BBS9: variants seen among roughly 807,000 people sequenced by gnomAD.
BBS9 encodes the protein Bardet-Biedl syndrome 9.
Under a neutral mutation model 117.7 loss-of-function variants are expected in BBS9, and 89 were observed. The ratio of observed to expected loss-of-function variants is 0.76; its 90% CI spans 0.64 to 0.90. BBS9 has a LOEUF of 0.90. Among genes scored for constraint, BBS9 ranks in the 40% least tolerant of loss-of-function variants. The probability of loss-of-function intolerance (pLI) is 0.00; values close to 1 mark genes in which losing one functional copy is unlikely to be tolerated. For synonymous variants in BBS9, 379 were observed against 370.9 expected (o/e 1.02, Z -0.25); for missense variants, 982 against 1,042.2 (o/e 0.94, Z 0.80).
intron 18 of BBS9, among the ~76,000 whole-genome samples, chr7:33,386,653 G>A (rs946882285): frequency 1.3e-5 from 2 of 151,786 alleles, no homozygotes; most frequent in African/African-American, 4.8e-5. Context: ...ACCACGCCCA[G>A]CTAATTTTTT....
At chr7:33,487,747 G>A (rs1055631240) in intron 19 of BBS9, among the ~76,000 whole-genome samples, 3 of 152,110 alleles carry the variant, frequency 2.0e-5, no homozygotes, top group Non-Finnish European at 4.4e-5. Context: ...ATGTGTCTGG[G>A]TGACTGCCCT....
At chr7:33,611,942 C>G (rs1864901035) in intron 21 of BBS9, among the ~76,000 whole-genome samples, 1 of 150,312 alleles carries the variant, frequency 6.7e-6, no homozygotes, top group South Asian at 2.1e-4. Flanking sequence ...AACATCACCT[C>G]CTCTGATGCC....
intron 9 of BBS9, among the ~76,000 whole-genome samples, chr7:33,294,713 A>G (rs1804905454): frequency 6.6e-6 from 1 of 152,234 alleles, no homozygotes; most frequent in South Asian, 2.1e-4. Context: ...AACATGATAC[A>G]CATTAAAAGT....
In BBS9 at chr7:33,632,692, C is replaced by T. The variant is rs562041551; in HGVS notation, c.2522-2485C>T. Among the ~76,000 whole-genome samples, 11 of 152,290 alleles carry T rather than the reference C, an allele frequency of 7.2e-5. No individual in the cohort carries two copies. The East Asian group carries it at 2.1e-3, about 29-fold the overall frequency. ...CCAGCACCTCCCGTCCCACCCCTCC[C>T]GCCAGTCTCCGCAGTAAAGGAAGAC... On this transcript the variant is annotated intron_variant, in intron 21 of 21. Coordinates refer to the BBS9 transcript ENST00000671952.
chr7:33,189,459 A>G (rs917576358), intron 5 of BBS9, among the ~76,000 whole-genome samples: 2 of 152,146 alleles, frequency 1.3e-5, no homozygotes, highest in Non-Finnish European at 2.9e-5. Context: ...GTTTATGGGG[A>G]AAAAGCCTAT....
chr7:33,174,731 G>C (rs1282493947), intron 4 of BBS9, among the ~76,000 whole-genome samples: 1 of 152,216 alleles, frequency 6.6e-6, no homozygotes, highest in East Asian at 1.9e-4. Context: ...GGCTAAACTT[G>C]ATTTAACAGT....
At chr7:33,503,030 A>C (rs1254653367) in intron 19 of BBS9, among the ~76,000 whole-genome samples, 1 of 152,172 alleles carries the variant, frequency 6.6e-6, no homozygotes, top group African/African-American at 2.4e-5. Flanking sequence ...AAAAAACTAA[A>C]ATTTCAAATA....
chr7:33,388,828 T>G (rs1014895386), intron 19 of BBS9, among the ~76,000 whole-genome samples: 1 of 152,222 alleles, frequency 6.6e-6, no homozygotes, highest in Non-Finnish European at 1.5e-5. Flanking sequence ...ATAATGTCTT[T>G]GAATGGTTAT....
intron 21 of BBS9, among the ~76,000 whole-genome samples, chr7:33,595,885 G>A (rs1177822247): frequency 6.6e-6 from 1 of 152,054 alleles, no homozygotes; most frequent in Non-Finnish European, 1.5e-5. Flanking sequence ...CATAGATGAA[G>A]CTGGAAGCCG....
intron 19 of BBS9, among the ~76,000 whole-genome samples, chr7:33,500,565 T>G (rs977901816): frequency 2.0e-5 from 3 of 152,202 alleles, no homozygotes; most frequent in Non-Finnish European, 4.4e-5. Context: ...CATGATAATC[T>G]GGGTATGACA....
At chr7:33,599,308 C>T (rs1000668297) in intron 21 of BBS9, among the ~76,000 whole-genome samples, 1 of 152,042 alleles carries the variant, frequency 6.6e-6, no homozygotes, top group Non-Finnish European at 1.5e-5. Context: ...TGTCTTTGGC[C>T]CCAGGGATAT....
chr7:33,146,614 G>C (rs1038618034), intron 2 of BBS9, among the ~76,000 whole-genome samples: 1 of 149,380 alleles, frequency 6.7e-6, no homozygotes, highest in Non-Finnish European at 1.5e-5. Context: ...CAGGAGAATC[G>C]CTTGAACCCA....
intron 19 of BBS9, among the ~76,000 whole-genome samples, chr7:33,460,639 C>T (rs1391268663): frequency 1.3e-5 from 2 of 151,798 alleles, no homozygotes; most frequent in African/African-American, 4.8e-5. Context: ...CACTTTTAAA[C>T]ATAGAATTGT....
chr7:33,319,988 C>G lies in BBS9; in HGVS notation c.1017-16453C>G, dbSNP rs149430521. ...TTTAATTTTTGTGGGCACACTGTAG[C>G]ATTATATTTTTATGGGGTACAGGAG... On this transcript the variant is annotated intron_variant, in intron 9 of 22. Transcript: ENST00000242067. Among the ~76,000 whole-genome samples, 1,210 of 152,210 alleles carry G rather than the reference C, an allele frequency of 7.9e-3. 20 individuals are homozygous for G. Among genetic ancestry groups the G allele is most frequent in the African/African-American group, 0.028 (1,157 of 41,546 alleles).
At chr7:33,367,340 A>G (rs1821972159) in intron 16 of BBS9, among the ~76,000 whole-genome samples, 2 of 152,124 alleles carry the variant, frequency 1.3e-5, no homozygotes, top group Admixed American at 6.5e-5. Context: ...AACATATTTG[A>G]TGTGTTTTAC....
At chr7:33,174,825 C>T (rs995072976) in intron 4 of BBS9, among the ~76,000 whole-genome samples, 3 of 152,198 alleles carry the variant, frequency 2.0e-5, no homozygotes, top group Non-Finnish European at 4.4e-5. Context: ...GGCTAGAACT[C>T]TCTTCAGGTT....
intron 5 of BBS9, among the ~76,000 whole-genome samples, chr7:33,217,280 T>C (rs571426792): frequency 6.6e-6 from 1 of 152,132 alleles, no homozygotes; most frequent in African/African-American, 2.4e-5. Context: ...CATATGTTGA[T>C]GTATTTATGG....
intron 5 of BBS9, among the ~76,000 whole-genome samples, chr7:33,241,666 G>T (rs1794546588): frequency 6.6e-6 from 1 of 151,224 alleles, no homozygotes; most frequent in African/African-American, 2.4e-5. Flanking sequence ...TATTTGTTTT[G>T]CTTTCTAAAT....
intron 9 of BBS9, among the ~76,000 whole-genome samples, chr7:33,274,617 A>G (rs1456574018): frequency 1.3e-5 from 2 of 152,246 alleles, no homozygotes; most frequent in African/African-American, 2.4e-5. Context: ...CAGCAAACGT[A>G]TAGAAATACA....
Sources: allele counts gnomAD v4.1 joint callset (sites outside exome capture counted in the v4.1 genomes callset), GRCh38; gene constraint gnomAD v4.1.1; transcripts MANE v1.5; gene names NCBI Gene and HGNC (gene_info 2026-07-23, HGNC 2026-07-21).